KLF17: variants seen among roughly 807,000 people sequenced by gnomAD.
The protein encoded by KLF17 is KLF transcription factor 17.
A neutral mutation model predicts 34.2 loss-of-function variants in KLF17; 31 were observed. The ratio of observed to expected loss-of-function variants is 0.91; its 90% confidence interval spans 0.68 to 1.22. KLF17 has a LOEUF of 1.22. KLF17 is among the 50% of genes most tolerant of loss of function. The pLI is 0.00. For missense variants in KLF17, 478 were observed against 505.2 expected, an observed-to-expected ratio of 0.95 and a Z score of 0.52; for synonymous variants, 179 against 186.7, an observed-to-expected ratio of 0.96 and a Z score of 0.34.
At chr1:44,117,681 G>A (rs189867300), upstream of KLF17, among the ~76,000 whole-genome samples, 2 of 151,728 alleles carry the variant, frequency 1.3e-5, no homozygotes, top group Admixed American at 6.6e-5. Context: ...TTTTAGTAGA[G>A]ACGGGGTTTC....
At chr1:44,093,868 T>G in the KLF17 span, among the ~76,000 whole-genome samples, 11 of 152,364 alleles carry the variant, frequency 7.2e-5, no homozygotes, top group Admixed American at 1.3e-4. Flanking sequence ...TATTTTTCAT[T>G]GGAAGTTATC....
the KLF17 span, among the ~76,000 whole-genome samples, chr1:44,066,988 C>T: frequency 0.13 from 19,808 of 151,876 alleles, 1,507 homozygotes; most frequent in African/African-American, 0.21. Context: ...ATATAGATGA[C>T]GTTCTCAAAT....
At chr1:44,099,857 GAAA>G in the KLF17 span, among the ~76,000 whole-genome samples, 34,304 of 97,102 alleles carry the variant, frequency 0.35, 7,643 homozygotes, top group South Asian at 0.43. Context: ...AAGAAAGAAA[GAAA>G]GAAAGAAAGA....
At chr1:44,089,499 T>C in the KLF17 span, among the ~76,000 whole-genome samples, 2 of 152,168 alleles carry the variant, frequency 1.3e-5, no homozygotes, top group African/African-American at 4.8e-5. Flanking sequence ...GTGAAGCAGC[T>C]CTCTGCAGAT....
Position 44,130,125 on chromosome 1 carries a change from G to T in KLF17, c.854G>T (p.Cys285Phe), listed in dbSNP as rs761823672. The T allele has an allele frequency of 6.2e-7, 1 of 1,614,226 alleles. No individual in the cohort carries two copies. The highest frequency in any genetic ancestry group is 1.7e-5 in the Admixed American group (1 of 60,026). ...TCCTCAGAGGCAAGGCCTTACTGCT[G>T]CAACTACGAGAACTGCGGAAAAGCT... ...RGSSEARPYC[C>F]NYENCGKAYT... Residue 285 changes from cysteine to phenylalanine, a missense_variant, in exon 2 of 4, where the codon TGC becomes TTC. Transcript: ENST00000372299.
intron 1 of KLF17, among the ~76,000 whole-genome samples, chr1:44,128,079 T>C (rs1167421649): frequency 6.6e-6 from 1 of 152,150 alleles, no homozygotes; most frequent in Non-Finnish European, 1.5e-5. Flanking sequence ...AGTAATGGAC[T>C]TTTTTGTTGC....
the KLF17 span, among the ~76,000 whole-genome samples, chr1:44,096,214 T>G: frequency 6.6e-6 from 1 of 152,094 alleles, no homozygotes. Flanking sequence ...AGTGCTGGGA[T>G]TACAGGTGTG....
At chr1:44,072,013 C>G in the KLF17 span, among the ~76,000 whole-genome samples, 1 of 151,882 alleles carries the variant, frequency 6.6e-6, no homozygotes, top group South Asian at 2.1e-4. Flanking sequence ...GGGGGACAAT[C>G]ATGACTGGGC....
At chr1:44,103,475 G>A in the KLF17 span, 2 of 898,074 alleles carry the variant, frequency 2.2e-6, no homozygotes, top group African/African-American at 1.6e-5. Flanking sequence ...TGAGGCCGGG[G>A]CTCGTGAGGC....
At chr1:44,066,354 AC>A in the KLF17 span, among the ~76,000 whole-genome samples, 4 of 147,576 alleles carry the variant, frequency 2.7e-5, no homozygotes, top group South Asian at 6.4e-4. Flanking sequence ...CCCAAAAAAA[AC>A]AACAAAAAAA....
chr1:44,069,195 G>A, the KLF17 span, among the ~76,000 whole-genome samples: 1 of 152,194 alleles, frequency 6.6e-6, no homozygotes, highest in African/African-American at 2.4e-5. The surrounding 1 kb of genome is among the most constrained non-coding windows in gnomAD (Gnocchi z 4.7). Flanking sequence ...GGCAGGATAG[G>A]GGTGGGGGTT....
At chr1:44,127,646 C>CTTTTCTTTTCT (rs879540008) in intron 1 of KLF17, among the ~76,000 whole-genome samples, 5 of 56,228 alleles carry the variant, frequency 8.9e-5, no homozygotes, top group East Asian at 9.9e-4. Context: ...TTCCTTCTTT[C>CTTTTCTTTTCT]TTTCTTTCTT....
the KLF17 span, among the ~76,000 whole-genome samples, chr1:44,081,908 G>A: frequency 1.3e-5 from 2 of 152,064 alleles, no homozygotes; most frequent in African/African-American, 2.4e-5. Context: ...GAGCCATACC[G>A]CTAGTGGCAG....
At chr1:44,059,241 G>A in the KLF17 span, among the ~76,000 whole-genome samples, 1 of 152,170 alleles carries the variant, frequency 6.6e-6, no homozygotes, top group Non-Finnish European at 1.5e-5. Context: ...AATAGGAACA[G>A]TAATTTTTCT....
At chr1:44,103,570 G>A in the KLF17 span, 3 of 1,554,478 alleles carry the variant, frequency 1.9e-6, no homozygotes, top group East Asian at 4.5e-5. Context: ...GACTCCAGCC[G>A]GCTCTCCTCG....
chr1:44,093,698 T>C, the KLF17 span, among the ~76,000 whole-genome samples: 1 of 152,140 alleles, frequency 6.6e-6, no homozygotes, highest in Non-Finnish European at 1.5e-5. Flanking sequence ...CTCATCTTTA[T>C]ACGATTTTTT....
chr1:44,092,434 T>C, the KLF17 span, among the ~76,000 whole-genome samples: 2 of 151,996 alleles, frequency 1.3e-5, no homozygotes, highest in Non-Finnish European at 2.9e-5. Context: ...AAAAAATAAA[T>C]AGCCAAAAAC....
the KLF17 span, chr1:44,105,365 A>C: frequency 7.4e-6 from 1 of 134,956 alleles, no homozygotes; most frequent in African/African-American, 2.6e-5. Flanking sequence ...AATGGTGCTT[A>C]TAAGGGATTA....
rs2088081530 is a variant in KLF17 at position 44,129,752 on chromosome 1, T to C, written c.481T>C (p.Ser161Pro). Residue 161 changes from serine to proline, a missense_variant, in exon 2 of 4, where the codon TCG (serine) becomes CCG (proline). Coordinates refer to ENST00000372299, the MANE Select transcript of KLF17 (RefSeq NM_173484.4). ...GATGCCCCCCAATGGGCTGCCAGTC[T>C]CGGCTTCCACTGGAATCCCAATAAT... ...LRMPPNGLPV[S>P]ASTGIPIMSH... The C allele has an allele frequency of 6.2e-7, 1 of 1,614,002 alleles. No homozygotes were observed. Among genetic ancestry groups the C allele is most frequent in the South Asian group, 1.1e-5 (1 of 91,078 alleles).
Sources: gnomAD v4.1 joint callset for allele counts (sites outside exome capture counted in the v4.1 genomes callset) on GRCh38, gnomAD v4.1.1 for gene constraint, Gnocchi (gnomAD v3.1) non-coding constraint, MANE v1.5 for transcripts, NCBI Gene and HGNC (gene_info 2026-07-23, HGNC 2026-07-21) for gene names.